NALF1: variants seen among roughly 807,000 people sequenced by gnomAD.
The protein encoded by NALF1 is family with sequence similarity 155 member A.
In NALF1, 3 loss-of-function variants were observed where a neutral mutation model predicts 48.4. The observed-to-expected ratio is 0.06, with a 90% CI of 0.03 to 0.16. The LOEUF is 0.16. Ranked by LOEUF, NALF1 falls within the 10% of genes least tolerant of loss-of-function variation. The pLI is 1.00. For missense variants in NALF1, 526 were observed against 571.5 expected (o/e 0.92, Z 0.81); for synonymous variants, 262 against 245.7 (o/e 1.07, Z -0.62).
intron 1 of NALF1, among the ~76,000 whole-genome samples, chr13:107,652,142 GACTTTGGACAATTC>G (rs1264352003): frequency 1.3e-5 from 2 of 152,124 alleles, no homozygotes; most frequent in African/African-American, 4.8e-5. Context: ...CTTGGACTGG[GACTTTGGACAATTC>G]ACTTAAGCTT....
intron 1 of NALF1, among the ~76,000 whole-genome samples, chr13:107,799,499 C>T (rs893369584): frequency 6.6e-6 from 1 of 152,152 alleles, no homozygotes; most frequent in Non-Finnish European, 1.5e-5. Context: ...ATGAAGTCAG[C>T]TTTTCTACAT....
chr13:107,586,634 G>GTTTTTTTTTTTTTTT (rs1403213630), intron 1 of NALF1, among the ~76,000 whole-genome samples: 6 of 5,658 alleles, frequency 1.1e-3, no homozygotes, highest in South Asian at 8.1e-3. Flanking sequence ...CCCCTATGGA[G>GTTTTTTTTTTTTTTT]ATTTTTTTTT....
intron 2 of NALF1, among the ~76,000 whole-genome samples, chr13:107,179,552 AG>A (rs1350256042): frequency 4.0e-5 from 6 of 150,978 alleles, no homozygotes; most frequent in Non-Finnish European, 7.4e-5. Context: ...TAAATACTTG[AG>A]GGGGTGGGTA....
rs1002728223 is a variant in NALF1 at position 107,362,990 on chromosome 13, G to A, written c.916-152235C>T. ...AGCTTACCATATAATAATTGGGATCGTAAAGTGAAAAAAATAGATCTTAAC... is the reference window on the plus strand; with the variant it reads ...AGCTTACCATATAATAATTGGGATCATAAAGTGAAAAAAATAGATCTTAAC... On this transcript the variant is annotated intron_variant, in intron 1 of 2. Coordinates refer to ENST00000375915, the MANE Select transcript of NALF1 (RefSeq NM_001080396.3). The surrounding 1 kb of genome is among the most constrained non-coding windows in gnomAD (Gnocchi z 4.6). Among the ~76,000 whole-genome samples the A allele has an allele frequency of 7.2e-5, 11 of 151,978 alleles. No individual in the cohort carries two copies. Among genetic ancestry groups the A allele is most frequent in the African/African-American group, 1.4e-4 (6 of 41,402 alleles).
intron 1 of NALF1, among the ~76,000 whole-genome samples, chr13:107,840,278 GGTTA>G (rs1880008117): frequency 6.6e-6 from 1 of 152,140 alleles, no homozygotes; most frequent in African/African-American, 2.4e-5. Context: ...TGTAGGTCAG[GGTTA>G]TTGTTAGCTA....
Position 107,167,907 on chromosome 13 carries a change from A to G in NALF1, c.*2590T>C, listed in dbSNP as rs182126290. On this transcript the variant is annotated 3_prime_UTR_variant, in exon 3 of 3. Coordinates refer to ENST00000375915, the MANE Select transcript of NALF1 (RefSeq NM_001080396.3). ...TCCTCTTGTCTTTGTAAAGAACTTT[A>G]GTCAGTTCAAAATATATTGAGAAAA... 1.3e-5 allele frequency: 2 copies of G among 152,340 alleles called. No individual in the cohort carries two copies. The highest frequency in any genetic ancestry group is 3.9e-4 in the East Asian group (2 of 5,180). The allele number at this position is 152,340 out of a possible 1,614,324, so 9.4% of individuals were successfully genotyped here.
chr13:107,601,427 T>A (rs1308244486), intron 1 of NALF1, among the ~76,000 whole-genome samples: 2 of 152,182 alleles, frequency 1.3e-5, no homozygotes, highest in Non-Finnish European at 1.5e-5. Context: ...TATCCAACTT[T>A]CCTATCAACA....
In NALF1 at chr13:107,406,353, C is replaced by T. The variant is rs1883899145; in HGVS notation, c.916-195598G>A. ...GCCATATAGAAATGGTAGTGATTTG[C>T]CATATAGAAACACCAATAGTGAGCA... is the stretch of plus-strand genomic sequence containing the variant. On this transcript the variant is annotated intron_variant, in intron 1 of 2. Transcript: ENST00000375915. Among the ~76,000 whole-genome samples the T allele has an allele frequency of 2.6e-5, 4 of 151,836 alleles. No homozygotes were observed. The South Asian group carries it at 8.3e-4, about 32-fold the overall frequency.
chr13:107,623,749 T>C (rs1486706383), intron 1 of NALF1, among the ~76,000 whole-genome samples: 2 of 152,168 alleles, frequency 1.3e-5, no homozygotes, highest in Non-Finnish European at 2.9e-5. Context: ...TCATGTATAA[T>C]AATTAACTAA....
chr13:107,667,736 G>A (rs1880896218), intron 1 of NALF1, among the ~76,000 whole-genome samples: 1 of 152,056 alleles, frequency 6.6e-6, no homozygotes, highest in African/African-American at 2.4e-5. Context: ...GTTAATTTGT[G>A]TAACTTCTAC....
At chr13:107,695,593 A>G (rs1881680574) in intron 1 of NALF1, among the ~76,000 whole-genome samples, 1 of 152,218 alleles carries the variant, frequency 6.6e-6, no homozygotes, top group African/African-American at 2.4e-5. Context: ...TAATTAATTT[A>G]AACACAGGAA....
intron 1 of NALF1, among the ~76,000 whole-genome samples, chr13:107,769,078 T>C (rs2138568173): frequency 6.7e-6 from 1 of 149,344 alleles, no homozygotes; most frequent in Non-Finnish European, 1.5e-5. Flanking sequence ...AGGAACACTT[T>C]TACACTGTTG....
chr13:107,283,337 A>G (rs1158167089), intron 1 of NALF1, among the ~76,000 whole-genome samples: 1 of 152,174 alleles, frequency 6.6e-6, no homozygotes, highest in African/African-American at 2.4e-5. Flanking sequence ...CGGCAGCTCC[A>G]GACTCCTGTC....
intron 1 of NALF1, among the ~76,000 whole-genome samples, chr13:107,841,498 A>T (rs1880041693): frequency 2.0e-5 from 3 of 152,180 alleles, no homozygotes. Flanking sequence ...AATCCCCACC[A>T]CTGGAATAAT....
At chr13:107,225,431 C>T (rs1880082314) in intron 1 of NALF1, among the ~76,000 whole-genome samples, 1 of 152,106 alleles carries the variant, frequency 6.6e-6, no homozygotes, top group Non-Finnish European at 1.5e-5. Context: ...TGCATGCCAC[C>T]ATGCCTAGCT....
chr13:107,610,360 A>G (rs1407065134), intron 1 of NALF1, among the ~76,000 whole-genome samples: 1 of 152,220 alleles, frequency 6.6e-6, no homozygotes, highest in Non-Finnish European at 1.5e-5. Context: ...CAAAATATCT[A>G]CTTACCTTAG....
At chr13:107,371,650 TTAG>T (rs1478731075) in intron 1 of NALF1, among the ~76,000 whole-genome samples, 1 of 152,116 alleles carries the variant, frequency 6.6e-6, no homozygotes, top group Non-Finnish European at 1.5e-5. Flanking sequence ...AATTAGTCAA[TTAG>T]TAGTTATCAT....
chr13:107,560,997 A>G (rs1877630263), intron 1 of NALF1, among the ~76,000 whole-genome samples: 5 of 152,140 alleles, frequency 3.3e-5, no homozygotes. Flanking sequence ...ATGTCAGTTC[A>G]TTATTTTGTG....
At chr13:107,384,498 GT>G (rs1015628865) in intron 1 of NALF1, among the ~76,000 whole-genome samples, 11 of 151,640 alleles carry the variant, frequency 7.3e-5, no homozygotes, top group East Asian at 1.9e-4. Context: ...GTTTTTGGTG[GT>G]TTTTTTTATT....
Sources: allele counts gnomAD v4.1 joint callset (sites outside exome capture counted in the v4.1 genomes callset), GRCh38; gene constraint gnomAD v4.1.1; non-coding constraint Gnocchi (gnomAD v3.1); transcripts MANE v1.5; gene names NCBI Gene and HGNC (gene_info 2026-07-23, HGNC 2026-07-21).